Variants in SDHD observed in about 807,000 individuals in gnomAD.
SDHD encodes succinate dehydrogenase complex subunit D, also known as succinate dehydrogenase [ubiquinone] cytochrome b small subunit, mitochondrial.
In SDHD, 6 loss-of-function variants were observed where a neutral mutation model predicts 18.7. The ratio of observed to expected loss-of-function variants is 0.32; its 90% CI spans 0.18 to 0.63. The LOEUF (loss-of-function observed/expected upper bound fraction) is 0.63. SDHD is among the 30% of genes least tolerant of loss of function. The pLI is 0.79. For missense variants in SDHD, 160 were observed against 192.7 expected (o/e 0.83, Z 1.00); for synonymous variants, 56 against 73.9 (o/e 0.76, Z 1.24).
chr11:112,088,718 C>T, intron 2 of SDHD, 149 bp from the exon 3 acceptor site: 2 of 886,966 alleles, frequency 2.3e-6, no homozygotes, highest in Non-Finnish European at 1.8e-6. Flanking sequence ...CTTCTCTCAA[C>T]TACTATTTTG....
At chr11:112,088,728 G>T in intron 2 of SDHD, 139 bp from the exon 3 acceptor site, 4 of 948,458 alleles carry the variant, frequency 4.2e-6, no homozygotes, top group Non-Finnish European at 6.8e-6. Flanking sequence ...CTACTATTTT[G>T]ATATTTTACT....
At chr11:112,093,724 C>G (rs770522837) in intron 3 of SDHD, among the ~76,000 whole-genome samples, 2 of 152,104 alleles carry the variant, frequency 1.3e-5, no homozygotes, top group Non-Finnish European at 2.9e-5. Context: ...CCTATGCAAC[C>G]GACCCCTGCC....
rs1036199125 is a variant in SDHD, at chr11:112,094,919, C to T, written c.429C>T (p.Asn143=). ...CCTTTGCTGGGCTTTGCTATTTCAA[C>T]TATCACGATGTGGGCATCTGCAAAG... ...ALTFAGLCYF[N]YHDVGICKAV... The change falls in exon 4 of 4, where the codon AAC becomes AAT. Residue 143 remains asparagine, a synonymous_variant. Coordinates refer to ENST00000375549, the MANE Select transcript of SDHD (RefSeq NM_003002.4). 1.2e-6 allele frequency: 2 copies of T among 1,611,274 alleles called. No individual in the cohort carries two copies. The highest frequency in any genetic ancestry group is 1.7e-6 in the Non-Finnish European group (2 of 1,179,258).
At chr11:112,090,587 G>A (rs1566697148) in intron 3 of SDHD, among the ~76,000 whole-genome samples, 1 of 152,108 alleles carries the variant, frequency 6.6e-6, no homozygotes, top group African/African-American at 2.4e-5. Context: ...GAAACTGGAA[G>A]TACTTTGGAG....
intron 2 of SDHD, 96 bp from the exon 3 acceptor site, chr11:112,088,771 C>A: frequency 7.6e-7 from 1 of 1,307,682 alleles, no homozygotes; most frequent in Non-Finnish European, 1.1e-6. Flanking sequence ...CCTATATGTA[C>A]ACTGCCTGTC....
At position 112,086,904 on chromosome 11, in the gene SDHD, C is replaced by T. The variant is rs540552714; in HGVS notation, c.-4C>T. ...GTGGATGACCTTGAGCCCTCAGGAA[C>T]GAGATGGCGGTTCTCTGGAGGCTGA... On this transcript the variant is annotated 5_prime_UTR_variant, in exon 1 of 4. It adds an upstream start codon to the 5' untranslated region. Transcript: ENST00000375549. 10 of 1,614,190 alleles carry T rather than the reference C, an allele frequency of 6.2e-6. No homozygotes were observed. Among genetic ancestry groups the T allele is most frequent in the Middle Eastern group, 1.6e-4 (1 of 6,062 alleles).
At chr11:112,094,699 T>G in intron 3 of SDHD, 106 bp from the exon 4 acceptor site, 1 of 1,006,564 alleles carries the variant, frequency 9.9e-7, no homozygotes, top group Non-Finnish European at 1.5e-6. Context: ...ATGGAGACAT[T>G]GCATTTGAAC....
intron 3 of SDHD, among the ~76,000 whole-genome samples, chr11:112,090,844 C>T (rs977611274): frequency 3.0e-4 from 46 of 151,966 alleles, no homozygotes; most frequent in African/African-American, 1.1e-3. Flanking sequence ...TACAGGCATG[C>T]GCCAGCACAC....
chr11:112,094,455 T>C (rs1036406236), intron 3 of SDHD, among the ~76,000 whole-genome samples: 12 of 152,116 alleles, frequency 7.9e-5, no homozygotes, highest in Middle Eastern at 3.4e-3. Flanking sequence ...TAGCCGGGCA[T>C]GGAGGCATGC....
intron 3 of SDHD, among the ~76,000 whole-genome samples, chr11:112,090,099 G>T (rs906128319): frequency 6.6e-6 from 1 of 151,786 alleles, no homozygotes; most frequent in African/African-American, 2.4e-5. Context: ...GCGCCTGTTT[G>T]TTTGTTTGTT....
At chr11:112,088,254 C>T in intron 2 of SDHD, 2 of 418,852 alleles carry the variant, frequency 4.8e-6, no homozygotes, top group African/African-American at 2.0e-5. Flanking sequence ...GGCTGGAGTG[C>T]AGTGGTGCGA....
intron 3 of SDHD, among the ~76,000 whole-genome samples, chr11:112,091,797 G>A (rs563776898): frequency 3.3e-5 from 5 of 152,310 alleles, no homozygotes; most frequent in East Asian, 1.9e-4. Context: ...TCGGCCAGGC[G>A]TGGTCTCACG....
At chr11:112,091,077 A>G in intron 3 of SDHD, 1 of 979,034 alleles carries the variant, frequency 1.0e-6, no homozygotes, top group Non-Finnish European at 1.2e-6. Flanking sequence ...TTAACCACAC[A>G]GACCTTTCCA....
In SDHD at chr11:112,095,426, C is replaced by T. The variant is rs1255737348; in HGVS notation, c.*456C>T. 3.5e-6 allele frequency: 1 copy of T among 282,528 alleles called. No individual in the cohort carries two copies. The highest frequency in any genetic ancestry group is 4.7e-5 in the Admixed American group (1 of 21,254). 17.5% of individuals were successfully genotyped at this position (282,528 alleles called of 1,614,324 possible). ...GTTTAATTTTCGAAAACTTCCCTCT[C>T]TAGACAGTAGATACCACCTACTGAT... is the stretch of plus-strand genomic sequence containing the variant. On this transcript the variant is annotated 3_prime_UTR_variant, in exon 4 of 4. Coordinates refer to ENST00000375549, the MANE Select transcript of SDHD (RefSeq NM_003002.4).
intron 2 of SDHD, 185 bp from the exon 3 acceptor site, chr11:112,088,682 A>T: frequency 1.4e-6 from 1 of 700,934 alleles, no homozygotes; most frequent in Non-Finnish European, 2.5e-6. Context: ...AAAAACAGAG[A>T]TAAAGCCTTC....
chr11:112,088,694 A>G (rs551434354), intron 2 of SDHD, among the ~76,000 whole-genome samples, 173 bp from the exon 3 acceptor site: 3 of 152,364 alleles, frequency 2.0e-5, no homozygotes, highest in African/African-American at 7.2e-5. Flanking sequence ...AAAGCCTTCA[A>G]AAAACAGAGA....
chr11:112,094,942 A>G lies in SDHD; in HGVS notation c.452A>G (p.Lys151Arg). 1 of 1,611,122 alleles carries G rather than the reference A, an allele frequency of 6.2e-7. No homozygotes were observed. Among genetic ancestry groups the G allele is most frequent in the Non-Finnish European group, 8.5e-7 (1 of 1,179,020 alleles). ...YFNYHDVGIC[K>R]AVAMLWKL is the part of the protein sequence containing the mutation. ...AACTATCACGATGTGGGCATCTGCAAAGCTGTTGCCATGCTGTGGAAGCTC... is the reference window on the plus strand; with the variant it reads ...AACTATCACGATGTGGGCATCTGCAGAGCTGTTGCCATGCTGTGGAAGCTC... Residue 151 changes from lysine (K) to arginine (R), a missense_variant, in exon 4 of 4, where the codon AAA becomes AGA. Lys to Arg is a conservative substitution (Grantham distance 26). Transcript: ENST00000375549.
chr11:112,087,106 C>A, intron 1 of SDHD, 147 bp downstream of exon 1: 1 of 880,002 alleles, frequency 1.1e-6, no homozygotes, highest in Non-Finnish European at 1.8e-6. Context: ...TCTAGGGGTC[C>A]AGATGTTTAC....
Position 112,094,835 on chromosome 11 carries a change from T to C in SDHD, c.345T>C (p.Val115=). ...TTGGACAAGTTGTTACTGACTATGT[T>C]CATGGGGATGCCTTGCAGAAAGCTG... ...WGLGQVVTDY[V]HGDALQKAAK... is the part of the protein sequence containing the mutation. The change falls in exon 4 of 4, where the codon GTT becomes GTC. Residue 115 remains valine, a synonymous_variant. Coordinates refer to ENST00000375549, the MANE Select transcript of SDHD (RefSeq NM_003002.4). 6.2e-7 allele frequency: 1 copy of C among 1,612,082 alleles called. No individual in the cohort carries two copies. Among genetic ancestry groups the C allele is most frequent in the Non-Finnish European group, 8.5e-7 (1 of 1,179,848 alleles).
Sources: allele counts gnomAD v4.1 joint callset (sites outside exome capture counted in the v4.1 genomes callset), GRCh38; gene constraint gnomAD v4.1.1; transcripts MANE v1.5; gene names NCBI Gene and HGNC (gene_info 2026-07-23, HGNC 2026-07-21).